Variants in SMYD3 observed in about 807,000 individuals in gnomAD.
SMYD3 encodes histone-lysine N-methyltransferase SMYD3.
In SMYD3, 36 loss-of-function variants were observed where a neutral mutation model predicts 57.7. That is an observed-to-expected ratio of 0.62 (90% CI 0.48 to 0.82). SMYD3 has a LOEUF of 0.82. Ranked by LOEUF, SMYD3 falls within the 40% of genes least tolerant of loss-of-function variation. The pLI is 0.00. For synonymous variants in SMYD3, 211 were observed against 195.0 expected, an observed-to-expected ratio of 1.08 and a Z score of -0.68; for missense variants, 515 against 538.8, an observed-to-expected ratio of 0.96 and a Z score of 0.44.
chr1:246,309,510 T>G (rs1323895799), intron 5 of SMYD3, among the ~76,000 whole-genome samples: 4 of 152,178 alleles, frequency 2.6e-5, no homozygotes, highest in Non-Finnish European at 5.9e-5. Context: ...GTTTACCAGG[T>G]AGAAAGTTTG....
chr1:246,348,060 T>TTTTATATATATATATATATATATATA (rs1553336532), intron 2 of SMYD3, among the ~76,000 whole-genome samples: 3 of 82,976 alleles, frequency 3.6e-5, no homozygotes, highest in Non-Finnish European at 8.0e-5. Flanking sequence ...AAAGAAAACG[T>TTTTATATATATATATATATATATATA]TATATATATA....
At chr1:245,952,712 CATA>C (rs1230123817) in intron 5 of SMYD3, among the ~76,000 whole-genome samples, 1 of 152,184 alleles carries the variant, frequency 6.6e-6, no homozygotes, top group Non-Finnish European at 1.5e-5. Flanking sequence ...TGAAAGTCAA[CATA>C]ATATGTTTTG....
intron 1 of SMYD3, among the ~76,000 whole-genome samples, chr1:246,394,951 T>C (rs2066634981): frequency 6.6e-6 from 1 of 151,838 alleles, no homozygotes; most frequent in South Asian, 2.1e-4. Flanking sequence ...CACTTTATTA[T>C]ATGAAAGGCT....
At chr1:246,055,792 C>T (rs2060141438) in intron 5 of SMYD3, among the ~76,000 whole-genome samples, 1 of 152,192 alleles carries the variant, frequency 6.6e-6, no homozygotes, top group South Asian at 2.1e-4. Flanking sequence ...TATAGAAGTA[C>T]CTAGAATTGT....
chr1:246,062,228 A>G (rs7512390), intron 5 of SMYD3, among the ~76,000 whole-genome samples: 11,827 of 152,108 alleles, frequency 0.078, 1,375 homozygotes, highest in African/African-American at 0.25. Flanking sequence ...TGGGGAGAAA[A>G]AAATCCACAG....
intron 5 of SMYD3, among the ~76,000 whole-genome samples, chr1:246,230,457 G>C (rs967418114): frequency 2.6e-5 from 4 of 152,198 alleles, no homozygotes; most frequent in African/African-American, 7.2e-5. Flanking sequence ...AGAGAACCAG[G>C]AGTTAGGCTA....
At chr1:246,327,969 A>C (rs2065383145) in intron 4 of SMYD3, among the ~76,000 whole-genome samples, 1 of 152,138 alleles carries the variant, frequency 6.6e-6, no homozygotes, top group Middle Eastern at 3.2e-3. Context: ...CAAGACGGGC[A>C]GATCACTTGA....
At chr1:246,221,933 C>T (rs1404412515) in intron 5 of SMYD3, among the ~76,000 whole-genome samples, 4 of 152,146 alleles carry the variant, frequency 2.6e-5, no homozygotes, top group African/African-American at 9.7e-5. Context: ...CCCAAAGACC[C>T]CATGACAGTA....
intron 5 of SMYD3, among the ~76,000 whole-genome samples, chr1:246,264,722 C>T (rs968647794): frequency 6.6e-6 from 1 of 152,152 alleles, no homozygotes; most frequent in Non-Finnish European, 1.5e-5. Flanking sequence ...TTCTTAAATT[C>T]CTAAGATCTA....
Position 245,840,914 on chromosome 1 carries a change from C to G in SMYD3, c.1076+17582G>C, listed in dbSNP as rs1432071920. On this transcript the variant is annotated intron_variant, in intron 10 of 11. Coordinates refer to ENST00000490107, the MANE Select transcript of SMYD3 (RefSeq NM_001167740.2). Reference sequence around the variant, plus strand: ...GACTTTTAAATACAGATCCTAGAAGCAGTGCAGAGAGCCAAGGCTTGGCAT... The same window carrying G: ...GACTTTTAAATACAGATCCTAGAAGGAGTGCAGAGAGCCAAGGCTTGGCAT... Among the ~76,000 whole-genome samples the G allele has an allele frequency of 2.6e-5, 4 of 152,214 alleles. No individual in the cohort carries two copies. In the East Asian group the frequency reaches 7.7e-4, roughly 29 times the overall value.
At chr1:245,919,060 C>T (rs1377206457) in intron 7 of SMYD3, among the ~76,000 whole-genome samples, 2 of 152,206 alleles carry the variant, frequency 1.3e-5, no homozygotes, top group African/African-American at 4.8e-5. Context: ...CCTAAAGCCT[C>T]CCTCGGCATA....
intron 5 of SMYD3, among the ~76,000 whole-genome samples, chr1:246,270,340 T>C (rs1051616166): frequency 6.6e-6 from 1 of 152,238 alleles, no homozygotes; most frequent in African/African-American, 2.4e-5. Context: ...TTTACTATCT[T>C]AACCATAGTT....
At chr1:246,468,972 AGTCATTAAGCCTCT>A (rs2067920273) in intron 1 of SMYD3, among the ~76,000 whole-genome samples, 1 of 152,202 alleles carries the variant, frequency 6.6e-6, no homozygotes, top group Non-Finnish European at 1.5e-5. Context: ...CTGTGCCTTC[AGTCATTAAGCCTCT>A]GTACATGGTA....
intron 5 of SMYD3, among the ~76,000 whole-genome samples, chr1:246,125,077 A>ACACACACACACAC (rs1553295580): frequency 0.027 from 2,839 of 104,216 alleles, 41 homozygotes; most frequent in East Asian, 0.042. Flanking sequence ...GTCTCAAAAA[A>ACACACACACACAC]AAAAAAAAAA....
chr1:246,241,553 C>CT (rs1282212685), intron 5 of SMYD3, among the ~76,000 whole-genome samples: 8 of 152,068 alleles, frequency 5.3e-5, no homozygotes, highest in South Asian at 2.1e-4. Context: ...CTAAAATTAT[C>CT]TTTTTTTTGT....
intron 5 of SMYD3, among the ~76,000 whole-genome samples, chr1:246,209,710 G>A (rs1380586842): frequency 6.6e-6 from 1 of 152,162 alleles, no homozygotes; most frequent in Non-Finnish European, 1.5e-5. Flanking sequence ...ATCAAGACTT[G>A]GGTACTTTTG....
At chr1:246,104,930 C>T (rs1000225937) in intron 5 of SMYD3, among the ~76,000 whole-genome samples, 6 of 152,136 alleles carry the variant, frequency 3.9e-5, no homozygotes, top group African/African-American at 1.4e-4. Context: ...ATCAGGACTA[C>T]AGCAACAGGG....
chr1:245,963,030 C>T (rs560271818), intron 5 of SMYD3, among the ~76,000 whole-genome samples: 42 of 152,064 alleles, frequency 2.8e-4, no homozygotes, highest in Non-Finnish European at 5.4e-4. Flanking sequence ...TAAAAATGTT[C>T]AAAGTCCTGT....
chr1:245,984,090 T>C, intron 5 of SMYD3, among the ~76,000 whole-genome samples: 1 of 151,356 alleles, frequency 6.6e-6, no homozygotes, highest in East Asian at 1.9e-4. Flanking sequence ...ACCTCTGCCT[T>C]CTGGGTTCAA....
Sources: gnomAD v4.1 joint callset for allele counts (sites outside exome capture counted in the v4.1 genomes callset) on GRCh38, gnomAD v4.1.1 for gene constraint, MANE v1.5 for transcripts, NCBI Gene and HGNC (gene_info 2026-07-23, HGNC 2026-07-21) for gene names.